BABAM2: variants seen among roughly 807,000 people sequenced by gnomAD.
BABAM2 encodes BRISC and BRCA1 A complex member 2.
In BABAM2, 31 loss-of-function variants were observed where a neutral mutation model predicts 54.7. That is an observed-to-expected ratio of 0.57 (90% CI 0.43 to 0.77). The LOEUF is 0.77. BABAM2 is among the 30% of genes least tolerant of loss of function. BABAM2 has a pLI of 0.00. For missense variants in BABAM2, 364 were observed against 455.8 expected (o/e 0.80, Z 1.83); for synonymous variants, 167 against 162.9 (o/e 1.03, Z -0.19).
chr2:28,222,719 A>C (rs895913680), intron 7 of BABAM2, among the ~76,000 whole-genome samples: 1 of 152,258 alleles, frequency 6.6e-6, no homozygotes, highest in South Asian at 2.1e-4. Flanking sequence ...TATTTGGCCA[A>C]TTAAATTGGC....
intron 6 of BABAM2, among the ~76,000 whole-genome samples, chr2:28,107,401 A>G (rs535674216): frequency 3.9e-5 from 6 of 152,324 alleles, no homozygotes; most frequent in African/African-American, 1.4e-4. Context: ...ACTAAAATGC[A>G]TTAAGGCTGT....
At chr2:28,037,329 T>G (rs1290548028) in intron 5 of BABAM2, among the ~76,000 whole-genome samples, 1 of 152,168 alleles carries the variant, frequency 6.6e-6, no homozygotes, top group African/African-American at 2.4e-5. Flanking sequence ...ATGCACTGTT[T>G]TGGATCTTCC....
intron 6 of BABAM2, among the ~76,000 whole-genome samples, chr2:28,123,597 T>C (rs1258355583): frequency 6.6e-6 from 1 of 152,212 alleles, no homozygotes; most frequent in Non-Finnish European, 1.5e-5. Flanking sequence ...GCTTCTTTTC[T>C]AATTTCCCAG....
chr2:28,243,755 A>G (rs1682665336), intron 9 of BABAM2, among the ~76,000 whole-genome samples: 1 of 152,120 alleles, frequency 6.6e-6, no homozygotes. Context: ...AGAATTGTCG[A>G]CTTAAGATCT....
chr2:27,900,307 A>G (rs1048923071), intron 2 of BABAM2, among the ~76,000 whole-genome samples: 1 of 152,154 alleles, frequency 6.6e-6, no homozygotes, highest in Admixed American at 6.5e-5. Flanking sequence ...GGTCTAAGTT[A>G]TCTATATTCT....
intron 10 of BABAM2, among the ~76,000 whole-genome samples, chr2:28,287,900 A>G (rs1000046750): frequency 3.9e-5 from 6 of 152,186 alleles, no homozygotes; most frequent in African/African-American, 1.2e-4. Context: ...GCAGCCTGGA[A>G]CAGAGAATCT....
At chr2:28,098,754 A>G (rs1163951315) in intron 6 of BABAM2, among the ~76,000 whole-genome samples, 1 of 152,262 alleles carries the variant, frequency 6.6e-6, no homozygotes, top group South Asian at 2.1e-4. Context: ...ACATATGTGA[A>G]GAAAGAATGT....
chr2:27,966,702 T>C (rs1163720458), intron 3 of BABAM2, among the ~76,000 whole-genome samples: 1 of 152,254 alleles, frequency 6.6e-6, no homozygotes, highest in Non-Finnish European at 1.5e-5. Flanking sequence ...AATGTCTGGC[T>C]GGCCGTAGTG....
intron 6 of BABAM2, among the ~76,000 whole-genome samples, chr2:28,056,772 C>T (rs1678461807): frequency 6.6e-6 from 1 of 152,164 alleles, no homozygotes; most frequent in Non-Finnish European, 1.5e-5. Context: ...ATGCAAAGTA[C>T]ACTAATACAT....
At chr2:27,931,935 G>A (rs540897662) in intron 3 of BABAM2, among the ~76,000 whole-genome samples, 7 of 151,996 alleles carry the variant, frequency 4.6e-5, no homozygotes, top group East Asian at 1.9e-4. Context: ...CTTACTGTCC[G>A]TTCTAAATCT....
Position 27,898,913 on chromosome 2 carries a change from A to G in BABAM2, c.128+4229A>G, listed in dbSNP as rs186020319. 4.6e-5 allele frequency among the ~76,000 whole-genome samples: 7 copies of G among 152,034 alleles called. No individual in the cohort carries two copies. The East Asian group carries it at 1.4e-3, about 29-fold the overall frequency. On this transcript the variant is annotated intron_variant, in intron 2 of 11. Coordinates refer to ENST00000379624, the MANE Select transcript of BABAM2 (RefSeq NM_199191.3). ...AGAATGATCAAATTGCACACTTCAC[A>G]GTGATTTTATGGTATGTAAATTACA...
chr2:28,267,825 T>C (rs1463621784), intron 10 of BABAM2, among the ~76,000 whole-genome samples: 1 of 152,230 alleles, frequency 6.6e-6, no homozygotes, highest in African/African-American at 2.4e-5. Flanking sequence ...TGTTTGGGTA[T>C]GCCTAGGAGA....
intron 5 of BABAM2, 180 bp downstream of exon 5, chr2:28,025,600 C>T: frequency 1.8e-6 from 1 of 565,390 alleles, no homozygotes; most frequent in East Asian, 3.4e-5. Flanking sequence ...TTGTGTTTCT[C>T]AAAGATATTA....
chr2:28,218,969 T>C (rs1425500334), intron 7 of BABAM2, among the ~76,000 whole-genome samples: 1 of 152,210 alleles, frequency 6.6e-6, no homozygotes, highest in Admixed American at 6.5e-5. Context: ...TCATCATGTT[T>C]CCATCAAAAA....
intron 11 of BABAM2, among the ~76,000 whole-genome samples, chr2:28,321,178 A>G (rs1323433970): frequency 2.0e-5 from 3 of 152,060 alleles, no homozygotes; most frequent in African/African-American, 7.2e-5. Context: ...CAGGAAGGAA[A>G]CCAAGGCTTG....
chr2:28,279,550 A>G (rs1288520575), intron 10 of BABAM2, among the ~76,000 whole-genome samples: 3 of 151,812 alleles, frequency 2.0e-5, no homozygotes. Flanking sequence ...CCAAATGATG[A>G]GCCCTCTGAG....
intron 10 of BABAM2, among the ~76,000 whole-genome samples, chr2:28,258,839 C>T (rs1176016964): frequency 4.6e-5 from 7 of 151,702 alleles, no homozygotes; most frequent in East Asian, 1.9e-4. Flanking sequence ...TGCAGTGGTG[C>T]GATCTCGGCT....
chr2:27,989,541 G>A (rs530253107), intron 4 of BABAM2, among the ~76,000 whole-genome samples: 1 of 152,262 alleles, frequency 6.6e-6, no homozygotes, highest in East Asian at 1.9e-4. Flanking sequence ...ATAAGGAAGG[G>A]ATCAACAAGG....
chr2:27,955,910 T>C (rs1198930772), intron 3 of BABAM2, among the ~76,000 whole-genome samples: 1 of 152,194 alleles, frequency 6.6e-6, no homozygotes, highest in Non-Finnish European at 1.5e-5. Context: ...GGGTGACCTA[T>C]GTTGTGAGAT....
Sources: allele counts gnomAD v4.1 joint callset (sites outside exome capture counted in the v4.1 genomes callset), GRCh38; gene constraint gnomAD v4.1.1; transcripts MANE v1.5; gene names NCBI Gene and HGNC (gene_info 2026-07-23, HGNC 2026-07-21).